Variants in MCTP1 observed in about 807,000 individuals in gnomAD.
MCTP1 encodes multiple C2 and transmembrane domain containing 1.
MCTP1 carries 69 observed loss-of-function variants against 120.6 expected under a neutral mutation model. The observed-to-expected ratio is 0.57, with a 90% confidence interval of 0.47 to 0.70. MCTP1 has a LOEUF of 0.70. Among genes scored for constraint, MCTP1 ranks in the 30% least tolerant of loss-of-function variants. The pLI is 0.00. For missense variants in MCTP1, 1,203 were observed against 1,248.8 expected, an observed-to-expected ratio of 0.96 and a Z score of 0.55; for synonymous variants, 529 against 493.1, an observed-to-expected ratio of 1.07 and a Z score of -0.96.
chr5:94,960,351 T>C (rs537836951), intron 2 of MCTP1, among the ~76,000 whole-genome samples: 2 of 152,188 alleles, frequency 1.3e-5, no homozygotes, highest in South Asian at 2.1e-4. Flanking sequence ...ATTCAAGACA[T>C]AGGCATGGGC....
chr5:94,929,398 T>C (rs528576784), intron 6 of MCTP1, among the ~76,000 whole-genome samples: 108 of 152,332 alleles, frequency 7.1e-4, no homozygotes, highest in African/African-American at 2.5e-3. Flanking sequence ...AAATGATCTG[T>C]GTTTTTATGA....
At position 94,822,760 on chromosome 5, in the gene MCTP1, G is replaced by A. The variant is rs145299866; in HGVS notation, c.2437-23628C>T. Among the ~76,000 whole-genome samples the A allele has an allele frequency of 9.2e-4, 140 of 152,338 alleles. 4 individuals carry two copies. In the East Asian group the frequency reaches 0.027, roughly 29 times the overall value. Reference sequence around the variant, plus strand: ...TAATGATCGCCATTCTAACTGGCATGAGATGGTATCTCACTGTGGTTTTGA... The same window carrying A: ...TAATGATCGCCATTCTAACTGGCATAAGATGGTATCTCACTGTGGTTTTGA... On this transcript the variant is annotated intron_variant, in intron 17 of 22. Transcript: ENST00000515393.
At chr5:95,110,841 A>C (rs1423409983) in intron 1 of MCTP1, among the ~76,000 whole-genome samples, 6 of 152,216 alleles carry the variant, frequency 3.9e-5, no homozygotes, top group African/African-American at 1.4e-4. Context: ...TGGGGATGAT[A>C]AAGCTTACTC....
At chr5:95,024,240 C>T (rs961009715) in intron 1 of MCTP1, 3 of 258,358 alleles carry the variant, frequency 1.2e-5, no homozygotes, top group Admixed American at 1.1e-4. Flanking sequence ...AGGTCTTATG[C>T]TTAAGTCTTT....
At chr5:95,110,587 A>G (rs1334845222) in intron 1 of MCTP1, among the ~76,000 whole-genome samples, 1 of 152,150 alleles carries the variant, frequency 6.6e-6, no homozygotes, top group Non-Finnish European at 1.5e-5. Flanking sequence ...TTTTATACGC[A>G]TTGCAAAAAC....
In MCTP1 at chr5:95,266,020, A is replaced by G. The variant is rs189815090; in HGVS notation, c.720+17836T>C. Among the ~76,000 whole-genome samples, 258 of 152,228 alleles carry G rather than the reference A, an allele frequency of 1.7e-3. 1 individual carries two copies. Among genetic ancestry groups the G allele is most frequent in the East Asian group, 4.2e-3 (22 of 5,180 alleles). ...CAGAAATCAACTTCTAGGAAACAGA[A>G]CCCCATATTAGCAAGAAACTCCAAA... On this transcript the variant is annotated intron_variant, in intron 1 of 22. Transcript: ENST00000515393.
chr5:95,193,038 T>A (rs1262497466), intron 1 of MCTP1, among the ~76,000 whole-genome samples: 1 of 152,182 alleles, frequency 6.6e-6, no homozygotes, highest in East Asian at 1.9e-4. Flanking sequence ...TCATTGCTTT[T>A]CCTCAAAAGC....
At chr5:95,219,479 G>A (rs147984040) in intron 1 of MCTP1, among the ~76,000 whole-genome samples, 104 of 152,084 alleles carry the variant, frequency 6.8e-4, no homozygotes, top group African/African-American at 2.4e-3. Context: ...AAAGTCATGT[G>A]TATCTATGAG....
intron 2 of MCTP1, among the ~76,000 whole-genome samples, chr5:94,982,182 A>T (rs1023990971): frequency 2.6e-5 from 4 of 152,152 alleles, no homozygotes; most frequent in Non-Finnish European, 4.4e-5. Context: ...GGATTTTTAC[A>T]TTTCTTATCT....
intron 13 of MCTP1, among the ~76,000 whole-genome samples, 176 bp downstream of exon 13, chr5:94,872,963 C>T (rs983422181): frequency 5.3e-5 from 8 of 152,032 alleles, no homozygotes; most frequent in Non-Finnish European, 1.2e-4. Context: ...CCCTTTCCCC[C>T]AGGTTTCACT....
chr5:95,242,153 T>C (rs1756237978), intron 1 of MCTP1, among the ~76,000 whole-genome samples: 1 of 152,140 alleles, frequency 6.6e-6, no homozygotes, highest in Non-Finnish European at 1.5e-5. Context: ...ATGAATAGAT[T>C]TATCTTCTAA....
In MCTP1 at chr5:94,751,076, C is replaced by T. The variant is rs201306478; in HGVS notation, c.2610+28034G>A. On this transcript the variant is annotated intron_variant, in intron 19 of 22. Coordinates refer to ENST00000515393, the MANE Select transcript of MCTP1 (RefSeq NM_024717.7). ...ATATGCCCTTAAACAAGAACAAGCA[C>T]ACCTTGAATGCAAGGTGGAGGTTTT... Among the ~76,000 whole-genome samples the T allele has an allele frequency of 5.3e-5, 8 of 152,144 alleles. No individual in the cohort carries two copies. The East Asian group carries it at 1.5e-3, about 29-fold the overall frequency.
intron 5 of MCTP1, among the ~76,000 whole-genome samples, chr5:94,937,268 T>C (rs1366171085): frequency 6.6e-6 from 1 of 151,990 alleles, no homozygotes; most frequent in Non-Finnish European, 1.5e-5. Context: ...AGTAAGGTAA[T>C]GAATGCAAAA....
rs202245253 is a variant in MCTP1 at position 94,922,997 on chromosome 5, CAAAAAAAAAA to C, written c.1272+955_1272+964del. On this transcript the variant is annotated intron_variant, in intron 7 of 22. Coordinates refer to ENST00000515393, the MANE Select transcript of MCTP1 (RefSeq NM_024717.7). ...ATAAGCTCACAACAATAAAAAGCTG[CAAAAAAAAAA>C]AAAAAAAAAAAAAAGTGCATGTGCA... Among the ~76,000 whole-genome samples the C allele has an allele frequency of 4.1e-3, 412 of 99,550 alleles. 1 individual carries two copies. The highest frequency in any genetic ancestry group is 0.015 in the African/African-American group (373 of 24,848). 65.3% of individuals were successfully genotyped at this position (99,550 alleles called of 152,430 possible).
chr5:95,125,478 G>C (rs1246394513), intron 1 of MCTP1, among the ~76,000 whole-genome samples: 1 of 152,198 alleles, frequency 6.6e-6, no homozygotes, highest in African/African-American at 2.4e-5. Context: ...TCACCTGGCA[G>C]TCTCCTTGTT....
At chr5:94,799,546 T>G (rs1780768073) in intron 17 of MCTP1, among the ~76,000 whole-genome samples, 1 of 152,070 alleles carries the variant, frequency 6.6e-6, no homozygotes, top group South Asian at 2.1e-4. Context: ...TTTTAAAAAA[T>G]CTCGCTTGGA....
At chr5:95,269,508 C>G (rs1759186983) in intron 1 of MCTP1, among the ~76,000 whole-genome samples, 1 of 152,232 alleles carries the variant, frequency 6.6e-6, no homozygotes, top group South Asian at 2.1e-4. Flanking sequence ...AACTAACCCA[C>G]TCTCATTCAC....
intron 17 of MCTP1, 46 bp downstream of exon 17, chr5:94,868,287 A>G: frequency 1.3e-6 from 2 of 1,521,936 alleles, no homozygotes; most frequent in Non-Finnish European, 1.8e-6. Context: ...AGCTATGATT[A>G]CTGAATTTAA....
At chr5:95,142,303 G>A (rs968557725) in intron 1 of MCTP1, among the ~76,000 whole-genome samples, 5 of 152,050 alleles carry the variant, frequency 3.3e-5, no homozygotes, top group African/African-American at 9.7e-5. Flanking sequence ...CTTATGATAC[G>A]TCTCTATTGT....
Sources: gnomAD v4.1 joint callset for allele counts (sites outside exome capture counted in the v4.1 genomes callset) on GRCh38, gnomAD v4.1.1 for gene constraint, MANE v1.5 for transcripts, NCBI Gene and HGNC (gene_info 2026-07-23, HGNC 2026-07-21) for gene names.